FBXW7: variants seen among roughly 807,000 people sequenced by gnomAD.
FBXW7 encodes the protein F-box/WD repeat-containing protein 7.
FBXW7 carries 11 observed loss-of-function variants against 86.3 expected under a neutral mutation model. That is an observed-to-expected ratio of 0.13 (90% CI 0.08 to 0.21). The LOEUF is 0.21. Ranked by LOEUF, FBXW7 falls within the 10% of genes least tolerant of loss-of-function variation. The probability of loss-of-function intolerance (pLI) is 1.00; values close to 1 mark genes in which losing one functional copy is unlikely to be tolerated. For synonymous variants in FBXW7, 313 were observed against 297.9 expected (o/e 1.05, Z -0.52); for missense variants, 488 against 847.4 (o/e 0.58, Z 5.27).
intron 4 of FBXW7, among the ~76,000 whole-genome samples, chr4:152,397,958 A>G (rs1175004730): frequency 3.9e-5 from 6 of 151,942 alleles, no homozygotes; most frequent in Non-Finnish European, 1.5e-5. Flanking sequence ...AATTTTCTAA[A>G]AGCATACTTA....
intron 2 of FBXW7, among the ~76,000 whole-genome samples, chr4:152,497,119 T>G (rs1157902446): frequency 2.0e-5 from 3 of 152,054 alleles, no homozygotes; most frequent in East Asian, 3.9e-4. Context: ...GGTCAGGAGT[T>G]GGAGACCAGC....
chr4:152,434,200 G>A (rs560988070), intron 2 of FBXW7, among the ~76,000 whole-genome samples: 25 of 152,234 alleles, frequency 1.6e-4, no homozygotes, highest in South Asian at 1.2e-3. Flanking sequence ...AGTAAGTGTC[G>A]TACGGACAGC....
chr4:152,448,382 C>T (rs1741599090), intron 2 of FBXW7, among the ~76,000 whole-genome samples: 2 of 152,188 alleles, frequency 1.3e-5, no homozygotes, highest in Admixed American at 1.3e-4. Flanking sequence ...TATTTTTAAT[C>T]ATTTGGTCTT....
chr4:152,418,251 A>C (rs1738631387), intron 2 of FBXW7, among the ~76,000 whole-genome samples: 1 of 151,286 alleles, frequency 6.6e-6, no homozygotes, highest in African/African-American at 2.4e-5. Flanking sequence ...CAGTCTGTTG[A>C]ATACTTAAAC....
chr4:152,330,599 C>A, intron 9 of FBXW7, 133 bp downstream of exon 9: 1 of 694,806 alleles, frequency 1.4e-6, no homozygotes, highest in Non-Finnish European at 2.2e-6. Flanking sequence ...TTAATACTTT[C>A]AGTTATTTTA....
At chr4:152,489,183 A>C (rs1203060074) in intron 2 of FBXW7, 4 of 153,402 alleles carry the variant, frequency 2.6e-5, no homozygotes, top group East Asian at 1.9e-4. Flanking sequence ...CATGTATGTA[A>C]GGAATTATTA....
rs533152440 is a variant in FBXW7 at position 152,415,266 on chromosome 4, A to G, written c.-119-2737T>C. ...TACAGTTTATACCAATAAAACAAGA[A>G]GTAGTTTAAGTAAATTACTAAAGCC... On this transcript the variant is annotated intron_variant, in intron 2 of 13. Coordinates refer to ENST00000281708, the MANE Select transcript of FBXW7 (RefSeq NM_001349798.2). 3.9e-5 allele frequency among the ~76,000 whole-genome samples: 6 copies of G among 152,274 alleles called. No homozygotes were observed. The South Asian group carries it at 1.2e-3, about 32-fold the overall frequency.
intron 2 of FBXW7, among the ~76,000 whole-genome samples, chr4:152,445,170 G>A (rs1741259051): frequency 1.3e-5 from 2 of 152,108 alleles, no homozygotes; most frequent in Admixed American, 6.6e-5. Flanking sequence ...GTACAAATAT[G>A]CTTTATATGA....
chr4:152,381,264 ATTTAATAGAATATTTCCCCT>A (rs1353323164), intron 4 of FBXW7, among the ~76,000 whole-genome samples: 2 of 152,088 alleles, frequency 1.3e-5, no homozygotes, highest in African/African-American at 4.8e-5. Context: ...GGATTATTCT[ATTTAATAGAATATTTCCCCT>A]TTAGCTAAAA....
At chr4:152,323,272 A>G in intron 13 of FBXW7, 123 bp from the exon 14 acceptor site, 1 of 1,157,212 alleles carries the variant, frequency 8.6e-7, no homozygotes, top group Non-Finnish European at 1.2e-6. Flanking sequence ...AATGATACAT[A>G]TTTAGAAACC....
chr4:152,447,397 AAG>A (rs1305667528), intron 2 of FBXW7, among the ~76,000 whole-genome samples: 1 of 152,174 alleles, frequency 6.6e-6, no homozygotes, highest in Non-Finnish European at 1.5e-5. Flanking sequence ...AAGGGAGTGG[AAG>A]AGAGTTTCTT....
At chr4:152,511,292 G>GCCCCCCCCCCCCCC (rs371477693) in intron 2 of FBXW7, among the ~76,000 whole-genome samples, 2 of 88,666 alleles carry the variant, frequency 2.3e-5, no homozygotes, top group Non-Finnish European at 4.8e-5. Flanking sequence ...ACAGCCCCCC[G>GCCCCCCCCCCCCCC]CCCCCCCCAC....
chr4:152,359,935 T>C (rs755628737), intron 4 of FBXW7, among the ~76,000 whole-genome samples: 6 of 152,144 alleles, frequency 3.9e-5, no homozygotes, highest in Non-Finnish European at 7.4e-5. Flanking sequence ...AGAAGTTTGA[T>C]AAGTGTTGAG....
intron 2 of FBXW7, among the ~76,000 whole-genome samples, chr4:152,464,207 T>C (rs1052300333): frequency 2.6e-5 from 4 of 152,110 alleles, no homozygotes; most frequent in African/African-American, 7.2e-5. Context: ...AGTTGAGAAA[T>C]TGGAGACACC....
chr4:152,436,726 T>C (rs1030625374), intron 2 of FBXW7, among the ~76,000 whole-genome samples: 8 of 152,186 alleles, frequency 5.3e-5, no homozygotes, highest in Non-Finnish European at 1.0e-4. Context: ...TTCCAAAAAC[T>C]GTAGAGCTCT....
intron 2 of FBXW7, among the ~76,000 whole-genome samples, chr4:152,416,942 C>T (rs1327717671): frequency 6.6e-6 from 1 of 152,162 alleles, no homozygotes; most frequent in Non-Finnish European, 1.5e-5. Flanking sequence ...ATCTCAAAGA[C>T]TCTTTTGCCA....
intron 2 of FBXW7, among the ~76,000 whole-genome samples, chr4:152,476,137 CAACAA>C (rs1476372954): frequency 6.6e-6 from 1 of 152,070 alleles, no homozygotes; most frequent in Non-Finnish European, 1.5e-5. Context: ...ACACAGAAAT[CAACAA>C]AACAGAATAA....
At chr4:152,480,352 ATG>A (rs142432767) in intron 2 of FBXW7, among the ~76,000 whole-genome samples, 2,083 of 152,230 alleles carry the variant, frequency 0.014, 26 homozygotes, top group Middle Eastern at 0.037. Flanking sequence ...TAAATGTTGC[ATG>A]TGTTCTGACT....
At position 152,535,693 on chromosome 4, in the gene FBXW7, C is replaced by T. The variant is rs1039163192; in HGVS notation, c.-779G>A. 2.5e-6 allele frequency: 1 copy of T among 395,792 alleles called. No homozygotes were observed. The highest frequency in any genetic ancestry group is 2.1e-5 in the African/African-American group (1 of 48,452). 24.5% of individuals were successfully genotyped at this position (395,792 alleles called of 1,614,324 possible). A position where few individuals can be genotyped will look rare whatever the true frequency, so the allele number is the denominator to read the frequency against. On this transcript the variant is annotated 5_prime_UTR_variant, in exon 1 of 14. Transcript: ENST00000281708. Reference sequence around the variant, plus strand: ...CTCCCTACACCTTGGGGGTCTCGCCCCACGCCCCACGGGACGAGGCAGAAG... The same window carrying T: ...CTCCCTACACCTTGGGGGTCTCGCCTCACGCCCCACGGGACGAGGCAGAAG...
Sources: gnomAD v4.1 joint callset for allele counts (sites outside exome capture counted in the v4.1 genomes callset) on GRCh38, gnomAD v4.1.1 for gene constraint, MANE v1.5 for transcripts, NCBI Gene and HGNC (gene_info 2026-07-23, HGNC 2026-07-21) for gene names.